The following IBTK variants were observed in gnomAD, a reference collection of about 807,000 sequenced individuals.
IBTK encodes BTK-binding protein.
Under a neutral mutation model 154.9 loss-of-function variants are expected in IBTK, and 83 were observed. The ratio of observed to expected loss-of-function variants is 0.54; its 90% CI spans 0.45 to 0.64. The LOEUF is 0.64. Ranked by LOEUF, IBTK falls within the 30% of genes least tolerant of loss-of-function variation. The probability of loss-of-function intolerance (pLI) is 0.00; values close to 1 mark genes in which losing one functional copy is unlikely to be tolerated. For synonymous variants in IBTK, 515 were observed against 536.1 expected, an observed-to-expected ratio of 0.96 and a Z score of 0.54; for missense variants, 1,332 against 1,584.6, an observed-to-expected ratio of 0.84 and a Z score of 2.71.
chr6:82,211,008 G>A, intron 15 of IBTK, 98 bp from the exon 16 acceptor site: 1 of 547,526 alleles, frequency 1.8e-6, no homozygotes, highest in Non-Finnish European at 3.0e-6. Context: ...CTCTGAACAG[G>A]AAATCACATC....
At chr6:82,204,236 T>G (rs1002593687) in intron 17 of IBTK, among the ~76,000 whole-genome samples, 6 of 152,034 alleles carry the variant, frequency 3.9e-5, no homozygotes, top group Non-Finnish European at 8.8e-5. Flanking sequence ...ATAGTAACAG[T>G]GAGAACCCAA....
intron 16 of IBTK, among the ~76,000 whole-genome samples, chr6:82,206,205 G>C (rs1769405184): frequency 6.6e-6 from 1 of 152,172 alleles, no homozygotes; most frequent in Non-Finnish European, 1.5e-5. Flanking sequence ...GAAACCAACA[G>C]CTCCATAATC....
Position 82,200,606 on chromosome 6 carries a change from T to C in IBTK, c.2893A>G (p.Asn965Asp), listed in dbSNP as rs1387930667. ...DGDIFLKEEI[N>D]MEQNHSETMF... ...GCTTACGAATGATTTTGTTCCATAT[T>C]TATTTCTTCTTTCAAGAAGATATCT... is the stretch of plus-strand genomic sequence containing the variant. The change falls in exon 20 of 29, where the codon AAT becomes GAT. Residue 965 changes from asparagine (N) to aspartate (D), a missense_variant. By Grantham distance (23) the Asn-to-Asp change is conservative (BLOSUM62 1). Coordinates refer to ENST00000306270, the MANE Select transcript of IBTK (RefSeq NM_015525.4). The C allele has an allele frequency of 6.4e-6, 10 of 1,572,824 alleles. No homozygotes were observed. The highest frequency in any genetic ancestry group is 8.6e-6 in the Non-Finnish European group (10 of 1,165,100).
chr6:82,185,370 G>A (rs181236397), intron 25 of IBTK, among the ~76,000 whole-genome samples: 1 of 150,400 alleles, frequency 6.6e-6, no homozygotes, highest in Non-Finnish European at 1.5e-5. Context: ...GACCAGCTGG[G>A]GATATACAGA....
chr6:82,201,350 A>T, intron 19 of IBTK, 72 bp downstream of exon 19: 9 of 1,017,392 alleles, frequency 8.8e-6, no homozygotes, highest in Non-Finnish European at 1.3e-5. Flanking sequence ...TATTCCATTA[A>T]TAAGTCTGAT....
At chr6:82,188,964 A>C in intron 25 of IBTK, 1 of 409,946 alleles carries the variant, frequency 2.4e-6, no homozygotes, top group South Asian at 1.8e-5. Flanking sequence ...TAGGAGGCGG[A>C]GGTTGCAGTG....
In IBTK at chr6:82,181,859, TTTTAAG is replaced by T. The variant is rs764672631; in HGVS notation, c.3725+14_3725+19del. On this transcript the variant is annotated intron_variant, in intron 26 of 28. Transcript: ENST00000306270. ...TATTTTAAGGTAGAAAATGTATTAG[TTTTAAG>T]TTTGTTTTATTACCTGACAATTTTT... 6.6e-7 allele frequency: 1 copy of T among 1,510,098 alleles called. No homozygotes were observed. Among genetic ancestry groups the T allele is most frequent in the Non-Finnish European group, 8.9e-7 (1 of 1,117,632 alleles). The allele number at this position is 1,510,098 out of a possible 1,614,324, so 93.5% of individuals were successfully genotyped here.
Position 82,194,655 on chromosome 6 carries a change from A to G in IBTK, c.3175-13T>C, listed in dbSNP as rs1355125895. 1.9e-6 allele frequency: 3 copies of G among 1,551,892 alleles called. No homozygotes were observed. The highest frequency in any genetic ancestry group is 4.6e-5 in the East Asian group (2 of 43,214). On this transcript the variant is annotated splice_polypyrimidine_tract_variant and intron_variant, in intron 22 of 28. Transcript: ENST00000306270. ...GTTTGACTTTCGCCTGGGGAGAGAA[A>G]AAAAATAAAAAAAGTTAACAGGCAC...
chr6:82,207,575 G>A (rs1562088871), intron 16 of IBTK, among the ~76,000 whole-genome samples: 1 of 152,012 alleles, frequency 6.6e-6, no homozygotes, highest in East Asian at 1.9e-4. Flanking sequence ...GCAGAAATTG[G>A]CAAACTAATC....
intron 1 of IBTK, among the ~76,000 whole-genome samples, chr6:82,246,473 C>T (rs953395721): frequency 3.2e-5 from 3 of 92,494 alleles, no homozygotes; most frequent in Non-Finnish European, 6.8e-5. Flanking sequence ...GAGATGGTGC[C>T]ACACTCAGTC....
rs1352587209 is a variant in IBTK, at chr6:82,214,735, C to CTA, written c.1695_1696insTA (p.Val566Ter). 3 of 1,614,054 alleles carry CTA rather than the reference C, an allele frequency of 1.9e-6. No homozygotes were observed. Among genetic ancestry groups the CTA allele is most frequent in the African/African-American group, 1.3e-5 (1 of 75,038 alleles). ...AGTCTATTGCCAACTTGAAATGTCA[C>CTA]ATCATGAATGCTGTCCATTTCATCT... On this transcript the variant is annotated frameshift_variant, in exon 12 of 29. Coordinates refer to ENST00000306270, the MANE Select transcript of IBTK (RefSeq NM_015525.4). LOFTEE classifies it high-confidence loss of function.
intron 4 of IBTK, among the ~76,000 whole-genome samples, chr6:82,228,979 G>T (rs1324272755): frequency 2.0e-5 from 3 of 151,944 alleles, no homozygotes; most frequent in Non-Finnish European, 4.4e-5. Context: ...TAATTATCTG[G>T]AATATATAAT....
chr6:82,215,725 T>C (rs1445233504), intron 11 of IBTK, among the ~76,000 whole-genome samples: 4 of 133,252 alleles, frequency 3.0e-5, no homozygotes, highest in African/African-American at 1.2e-4. Flanking sequence ...AGGTGGAGGT[T>C]AGAGTGAGCC....
chr6:82,184,314 T>A, intron 25 of IBTK, among the ~76,000 whole-genome samples: 1 of 152,192 alleles, frequency 6.6e-6, no homozygotes, highest in East Asian at 1.9e-4. Context: ...AAAGAAGCCC[T>A]GTAATTTTAC....
intron 1 of IBTK, among the ~76,000 whole-genome samples, chr6:82,242,189 G>A (rs1350027553): frequency 6.6e-6 from 1 of 152,078 alleles, no homozygotes; most frequent in Non-Finnish European, 1.5e-5. Flanking sequence ...GACCAACCTG[G>A]AGAAACCCTA....
intron 16 of IBTK, chr6:82,210,238 C>A (rs1769580146): frequency 6.6e-6 from 1 of 151,590 alleles, no homozygotes; most frequent in Non-Finnish European, 1.5e-5. Context: ...TTTGTCAAAA[C>A]TATCCCTGTT....
At position 82,240,159 on chromosome 6, in the gene IBTK, C is replaced by A; in HGVS notation, c.321+7G>T. ...AAATACGTTTAAAATAAACAAATGA[C>A]AATTACCTTCAATAGAGACCAAACA... is the stretch of plus-strand genomic sequence containing the variant. On this transcript the variant is annotated splice_region_variant and intron_variant, in intron 2 of 28. Transcript: ENST00000306270. 6.3e-7 allele frequency: 1 copy of A among 1,595,988 alleles called. No homozygotes were observed. The highest frequency in any genetic ancestry group is 8.6e-7 in the Non-Finnish European group (1 of 1,167,016).
At chr6:82,223,898 T>C (rs9443973) in intron 7 of IBTK, among the ~76,000 whole-genome samples, 170 bp downstream of exon 7, 36,138 of 151,974 alleles carry the variant, frequency 0.24, 4,318 homozygotes, top group African/African-American at 0.28. Context: ...TTCAGTGAGC[T>C]GTGATCGCAC....
At chr6:82,186,747 C>T (rs1272320956) in intron 25 of IBTK, among the ~76,000 whole-genome samples, 2 of 151,990 alleles carry the variant, frequency 1.3e-5, no homozygotes, top group South Asian at 2.1e-4. Flanking sequence ...TTACCCATAA[C>T]ATCTATAATT....
Sources: allele counts gnomAD v4.1 joint callset (sites outside exome capture counted in the v4.1 genomes callset), GRCh38; gene constraint gnomAD v4.1.1; transcripts MANE v1.5; gene names NCBI Gene and HGNC (gene_info 2026-07-23, HGNC 2026-07-21).